The following SLCO1B3 variants were observed in gnomAD, a reference collection of about 807,000 sequenced individuals.
SLCO1B3 encodes liver-specific organic anion transporter 2.
Under a neutral mutation model 71.8 loss-of-function variants are expected in SLCO1B3, and 72 were observed. That is an observed-to-expected ratio of 1.00 (90% confidence interval 0.83 to 1.22). The LOEUF is 1.22. Ranked by LOEUF, SLCO1B3 falls within the 50% of genes most tolerant of loss-of-function variation. SLCO1B3 has a pLI of 0.00. For synonymous variants in SLCO1B3, 298 were observed against 278.4 expected, an observed-to-expected ratio of 1.07 and a Z score of -0.70; for missense variants, 911 against 819.7, an observed-to-expected ratio of 1.11 and a Z score of -1.36.
chr12:20,846,556 C>T (rs1864923594), intron 3 of SLCO1B3, among the ~76,000 whole-genome samples: 1 of 151,950 alleles, frequency 6.6e-6, no homozygotes, highest in Non-Finnish European at 1.5e-5. Flanking sequence ...AGTGAGTTTG[C>T]CCAGAAAAAG....
chr12:20,843,033 T>G (rs1864835767), intron 3 of SLCO1B3, among the ~76,000 whole-genome samples: 1 of 152,154 alleles, frequency 6.6e-6, no homozygotes, highest in Non-Finnish European at 1.5e-5. Context: ...ACAAGTAAAT[T>G]TCTGTTGTTT....
intron 15 of SLCO1B3, among the ~76,000 whole-genome samples, chr12:20,912,821 C>CTT (rs60164490): frequency 3.2e-5 from 4 of 124,812 alleles, no homozygotes; most frequent in African/African-American, 8.6e-5. Flanking sequence ...TGCGCCCAGC[C>CTT]TTTTTTTTTT....
chr12:20,856,870 C>T (rs567209109), intron 4 of SLCO1B3, among the ~76,000 whole-genome samples: 1 of 152,228 alleles, frequency 6.6e-6, no homozygotes, highest in South Asian at 2.1e-4. Context: ...AATACTACAC[C>T]TTTTTACCTA....
chr12:20,913,881 A>G (rs1866438104), intron 15 of SLCO1B3, among the ~76,000 whole-genome samples: 1 of 152,136 alleles, frequency 6.6e-6, no homozygotes, highest in Admixed American at 6.5e-5. Context: ...CCTCCCATGT[A>G]GCTGGGAACA....
intron 3 of SLCO1B3, among the ~76,000 whole-genome samples, chr12:20,846,585 G>A (rs947387365): frequency 1.3e-5 from 2 of 152,108 alleles, no homozygotes; most frequent in African/African-American, 4.8e-5. Flanking sequence ...GTAAAAAGAG[G>A]AGAGTGTCTG....
intron 3 of SLCO1B3, among the ~76,000 whole-genome samples, chr12:20,854,261 C>T (rs146820121): frequency 6.6e-6 from 1 of 151,934 alleles, no homozygotes; most frequent in South Asian, 2.1e-4. Context: ...ATGATAGTCT[C>T]CCTGGTTGTT....
rs1201143641 is a variant in SLCO1B3, at chr12:20,909,365, G to A, written c.1866-6639G>A. On this transcript the variant is annotated intron_variant, in intron 15 of 15. Transcript: ENST00000381545. ...TTTTTTTGTATTTTTAGTAGAGACA[G>A]GGTTTCGCCATGTTAGCCAGGATGG... Among the ~76,000 whole-genome samples, 7 of 148,734 alleles carry A rather than the reference G, an allele frequency of 4.7e-5. No homozygotes were observed. The East Asian group carries it at 1.4e-3, about 30-fold the overall frequency.
At chr12:20,889,818 G>A (rs921091177) in intron 13 of SLCO1B3, among the ~76,000 whole-genome samples, 9 of 151,884 alleles carry the variant, frequency 5.9e-5, no homozygotes, top group African/African-American at 2.2e-4. Flanking sequence ...TTTGTTGTGG[G>A]CATTTAATGC....
intron 8 of SLCO1B3, among the ~76,000 whole-genome samples, chr12:20,870,397 A>G (rs1034807265): frequency 1.3e-5 from 2 of 152,122 alleles, no homozygotes; most frequent in Non-Finnish European, 2.9e-5. Flanking sequence ...ACATCCATGA[A>G]ATTATTGTCA....
chr12:20,873,196 C>G (rs2121286752), intron 8 of SLCO1B3, among the ~76,000 whole-genome samples: 1 of 152,258 alleles, frequency 6.6e-6, no homozygotes, highest in Admixed American at 6.5e-5. Flanking sequence ...TTTTTGTGTT[C>G]TTTGTAGCAC....
At chr12:20,881,988 G>A (rs1052916754) in intron 12 of SLCO1B3, among the ~76,000 whole-genome samples, 1 of 152,178 alleles carries the variant, frequency 6.6e-6, no homozygotes, top group African/African-American at 2.4e-5. Flanking sequence ...TTTCCTTGAA[G>A]ATAGGCTACA....
intron 3 of SLCO1B3, among the ~76,000 whole-genome samples, chr12:20,840,047 C>T (rs1864763315): frequency 1.3e-5 from 2 of 152,158 alleles, no homozygotes; most frequent in Non-Finnish European, 2.9e-5. Flanking sequence ...AATTGCTCAT[C>T]TGTTCTTGCA....
intron 8 of SLCO1B3, 76 bp downstream of exon 8, chr12:20,862,930 C>G (rs71583718): frequency 0.043 from 32,440 of 750,380 alleles, 1,181 homozygotes; most frequent in East Asian, 0.14. Flanking sequence ...GAATTAAATT[C>G]AGTCTTTCAA....
Position 20,897,408 on chromosome 12 carries a change from C to A in SLCO1B3, c.1683-1028C>A, listed in dbSNP as rs374778652. Reference sequence around the variant, plus strand: ...ATGAAACTGAGGTTTAGAGTGCTAGCTCATTGTGTTGGATTCTTATAACAT... The same window carrying A: ...ATGAAACTGAGGTTTAGAGTGCTAGATCATTGTGTTGGATTCTTATAACAT... On this transcript the variant is annotated intron_variant, in intron 13 of 15. Coordinates refer to ENST00000381545, the MANE Select transcript of SLCO1B3 (RefSeq NM_019844.4). 2.0e-5 allele frequency among the ~76,000 whole-genome samples: 3 copies of A among 152,160 alleles called. No individual in the cohort carries two copies. In the South Asian group the frequency reaches 6.2e-4, roughly 31 times the overall value.
chr12:20,882,371 G>A (rs932646841), intron 12 of SLCO1B3, among the ~76,000 whole-genome samples: 9 of 152,240 alleles, frequency 5.9e-5, no homozygotes, highest in African/African-American at 2.2e-4. Flanking sequence ...AGGAAAAAAG[G>A]AATCTTTCTT....
Position 20,836,890 on chromosome 12 carries a change from C to T in SLCO1B3, c.85-18138C>T, listed in dbSNP as rs1292884870. Reference sequence around the variant, plus strand: ...TCTCCTGACCTCGGGATCCGCCTACCTTGGCCTCCCAAAGTGCTGGGATTA... The same window carrying T: ...TCTCCTGACCTCGGGATCCGCCTACTTTGGCCTCCCAAAGTGCTGGGATTA... On this transcript the variant is annotated intron_variant, in intron 3 of 15. Transcript: ENST00000381545. Among the ~76,000 whole-genome samples, 3 of 152,182 alleles carry T rather than the reference C, an allele frequency of 2.0e-5. No individual in the cohort carries two copies. In the East Asian group the frequency reaches 5.8e-4, roughly 29 times the overall value.
Position 20,880,843 on chromosome 12 carries a change from A to T in SLCO1B3, c.1332-12A>T. On this transcript the variant is annotated splice_polypyrimidine_tract_variant and intron_variant, in intron 11 of 15. Transcript: ENST00000381545. ...TCTCTTTTTTTGATATATTTCTATCATATATTTTCAGAAATAATTCAGTGG... is the reference window on the plus strand; with the variant it reads ...TCTCTTTTTTTGATATATTTCTATCTTATATTTTCAGAAATAATTCAGTGG... The T allele has an allele frequency of 5.8e-6, 9 of 1,552,946 alleles. No individual in the cohort carries two copies. The highest frequency in any genetic ancestry group is 7.9e-6 in the Non-Finnish European group (9 of 1,136,588).
chr12:20,852,318 A>T (rs1291237201), intron 3 of SLCO1B3, among the ~76,000 whole-genome samples: 1 of 149,818 alleles, frequency 6.7e-6, no homozygotes, highest in African/African-American at 2.5e-5. Context: ...CCACATCTTT[A>T]AAAAAAAGTA....
At chr12:20,844,494 G>C (rs4433624) in intron 3 of SLCO1B3, among the ~76,000 whole-genome samples, 109,780 of 151,328 alleles carry the variant, frequency 0.73, 42,320 homozygotes, top group South Asian at 0.9. Flanking sequence ...CTTGAACCTA[G>C]GAGGCAGTGG....
Sources: allele counts gnomAD v4.1 joint callset (sites outside exome capture counted in the v4.1 genomes callset), GRCh38; gene constraint gnomAD v4.1.1; transcripts MANE v1.5; gene names NCBI Gene and HGNC (gene_info 2026-07-23, HGNC 2026-07-21).